TNIK: variants seen among roughly 807,000 people sequenced by gnomAD.
TNIK encodes the protein TRAF2 and NCK interacting kinase.
A neutral mutation model predicts 191.3 loss-of-function variants in TNIK; 49 were observed. The observed-to-expected ratio is 0.26, with a 90% confidence interval of 0.20 to 0.32. TNIK has a LOEUF of 0.32. Among genes scored for constraint, TNIK ranks in the 10% least tolerant of loss-of-function variants. TNIK has a pLI of 1.00. For synonymous variants in TNIK, 594 were observed against 600.9 expected (o/e 0.99, Z 0.17); for missense variants, 1,155 against 1,702.3 (o/e 0.68, Z 5.66).
chr3:171,262,181 T>A (rs1747723094), intron 2 of TNIK, among the ~76,000 whole-genome samples: 1 of 152,128 alleles, frequency 6.6e-6, no homozygotes, highest in Non-Finnish European at 1.5e-5. Flanking sequence ...TACCTTCCCT[T>A]CGTTTTGTTT....
At chr3:171,173,160 G>A (rs1253250287) in intron 9 of TNIK, among the ~76,000 whole-genome samples, 79 of 151,410 alleles carry the variant, frequency 5.2e-4, no homozygotes, top group African/African-American at 1.7e-3. Context: ...CGAGGCGGGC[G>A]GATCATGAGG....
intron 1 of TNIK, among the ~76,000 whole-genome samples, chr3:171,433,153 TA>T (rs1725577639): frequency 2.6e-5 from 4 of 152,094 alleles, no homozygotes; most frequent in African/African-American, 9.6e-5. Context: ...TTTAAGTATA[TA>T]TTCAAATTGG....
intron 2 of TNIK, among the ~76,000 whole-genome samples, chr3:171,316,722 G>C (rs1315652739): frequency 6.6e-6 from 1 of 151,804 alleles, no homozygotes; most frequent in East Asian, 1.9e-4. Context: ...TGCTTCAAAA[G>C]GAAAAAATAT....
rs368910452 is a variant in TNIK, at chr3:171,259,233, A to C, written c.124-31012T>G. ...TTACATTCAGGCAGAGTGTTGACAA[A>C]AAGTTGGAAGGACAGACCTAATATT... On this transcript the variant is annotated intron_variant, in intron 2 of 32. Transcript: ENST00000436636. Among the ~76,000 whole-genome samples, 102 of 152,332 alleles carry C rather than the reference A, an allele frequency of 6.7e-4. 1 individual carries two copies. In the South Asian group the frequency reaches 0.021, roughly 31 times the overall value.
At chr3:171,420,396 G>T (rs1723630530) in intron 1 of TNIK, among the ~76,000 whole-genome samples, 1 of 152,062 alleles carries the variant, frequency 6.6e-6, no homozygotes, top group South Asian at 2.1e-4. Flanking sequence ...TACACTCAAG[G>T]TAGGCCCACC....
chr3:171,204,493 A>G (rs972919277), intron 4 of TNIK, among the ~76,000 whole-genome samples: 2 of 152,246 alleles, frequency 1.3e-5, no homozygotes, highest in Non-Finnish European at 2.9e-5. Flanking sequence ...TGCTGCTTTT[A>G]GTTGCTTTAG....
chr3:171,286,881 G>T (rs748002001), intron 2 of TNIK, among the ~76,000 whole-genome samples: 1 of 152,144 alleles, frequency 6.6e-6, no homozygotes, highest in Non-Finnish European at 1.5e-5. Context: ...ATGATCAATT[G>T]CTACAGCAAT....
chr3:171,129,332 T>C (rs1728927352), intron 15 of TNIK, among the ~76,000 whole-genome samples: 1 of 152,212 alleles, frequency 6.6e-6, no homozygotes, highest in South Asian at 2.1e-4. Flanking sequence ...AACAAGAGGA[T>C]GAAGCTGAGT....
intron 1 of TNIK, among the ~76,000 whole-genome samples, chr3:171,428,430 G>A (rs77899869): frequency 0.045 from 6,835 of 152,176 alleles, 531 homozygotes; most frequent in African/African-American, 0.16. Context: ...CAGGGTCATA[G>A]CTTTATCTCT....
chr3:171,370,976 C>G (rs1716409924), intron 1 of TNIK, among the ~76,000 whole-genome samples: 1 of 152,004 alleles, frequency 6.6e-6, no homozygotes, highest in South Asian at 2.1e-4. Flanking sequence ...AGGGAACAGC[C>G]TGAACTTCAG....
At chr3:171,298,364 T>A (rs115007552) in intron 2 of TNIK, among the ~76,000 whole-genome samples, 5,176 of 152,316 alleles carry the variant, frequency 0.034, 266 homozygotes, top group African/African-American at 0.12. Flanking sequence ...TAAAAATACT[T>A]AGCCAGACTG....
At chr3:171,445,586 G>A (rs1383042666) in intron 1 of TNIK, among the ~76,000 whole-genome samples, 4 of 152,132 alleles carry the variant, frequency 2.6e-5, no homozygotes, top group African/African-American at 7.2e-5. Flanking sequence ...TCTACCAACT[G>A]CAGAACTCTC....
At chr3:171,084,005 G>C (rs1327113551) in intron 26 of TNIK, 150 bp downstream of exon 26, 1 of 1,034,302 alleles carries the variant, frequency 9.7e-7, no homozygotes, top group Non-Finnish European at 1.3e-6. Context: ...GGTTTCTCCT[G>C]AGGTCAAGAT....
chr3:171,318,968 C>A (rs887770234), intron 2 of TNIK, among the ~76,000 whole-genome samples: 10 of 152,008 alleles, frequency 6.6e-5, no homozygotes, highest in African/African-American at 2.4e-4. Context: ...AGTTCAAAAC[C>A]AGCCTGGTCA....
chr3:171,233,446 G>GTCTC (rs767425760), intron 2 of TNIK, among the ~76,000 whole-genome samples: 2 of 152,044 alleles, frequency 1.3e-5, no homozygotes, highest in East Asian at 3.9e-4. Flanking sequence ...CTGTCTGTCT[G>GTCTC]TCTATCTATC....
At chr3:171,382,218 CTTTT>C (rs63626462) in intron 1 of TNIK, among the ~76,000 whole-genome samples, 1 of 99,152 alleles carries the variant, frequency 1.0e-5, no homozygotes, top group African/African-American at 3.8e-5. Flanking sequence ...TTGAATACAT[CTTTT>C]TTTTTTTTTT....
At chr3:171,296,749 CTTGA>C (rs903195280) in intron 2 of TNIK, among the ~76,000 whole-genome samples, 25 of 152,310 alleles carry the variant, frequency 1.6e-4, no homozygotes, top group Admixed American at 9.2e-4. Flanking sequence ...TATCCACTCT[CTTGA>C]TTGTTTGAAA....
chr3:171,371,475 C>T (rs1716481299), intron 1 of TNIK, among the ~76,000 whole-genome samples: 1 of 152,198 alleles, frequency 6.6e-6, no homozygotes, highest in Non-Finnish European at 1.5e-5. Context: ...CCTGCTCTTA[C>T]AAAGCCAGAA....
At chr3:171,276,782 T>C (rs1749801964) in intron 2 of TNIK, among the ~76,000 whole-genome samples, 1 of 152,196 alleles carries the variant, frequency 6.6e-6, no homozygotes, top group African/African-American at 2.4e-5. Flanking sequence ...TTCATCAAGA[T>C]GCATACTTAA....
Sources: allele counts gnomAD v4.1 joint callset (sites outside exome capture counted in the v4.1 genomes callset), GRCh38; gene constraint gnomAD v4.1.1; transcripts MANE v1.5; gene names NCBI Gene and HGNC (gene_info 2026-07-23, HGNC 2026-07-21).